The following KIR2DL4 variants were observed in gnomAD, a reference collection of about 807,000 sequenced individuals.
KIR2DL4 encodes the protein killer cell immunoglobulin-like receptor 2DL4.
A neutral mutation model predicts 31.0 loss-of-function variants in KIR2DL4; 41 were observed. The ratio of observed to expected loss-of-function variants is 1.32; its 90% CI spans 1.03 to 1.72. The LOEUF is 1.72. Among genes scored for constraint, KIR2DL4 ranks in the 40% most tolerant of loss-of-function variants. KIR2DL4 has a pLI of 0.00. For missense variants in KIR2DL4, 438 were observed against 353.7 expected, an observed-to-expected ratio of 1.24 and a Z score of -1.91; for synonymous variants, 164 against 133.6, an observed-to-expected ratio of 1.23 and a Z score of -1.57.
chr19:54,808,512 T>C (rs2060662205), intron 4 of KIR2DL4, among the ~76,000 whole-genome samples: 1 of 150,322 alleles, frequency 6.7e-6, no homozygotes, highest in Non-Finnish European at 1.5e-5. Context: ...TGGATGTAAA[T>C]GGGTGGATTA....
exon 8 of KIR2DL4, chr19:54,814,169 G>A: frequency 6.4e-7 from 1 of 1,572,158 alleles, no homozygotes. Flanking sequence ...TCTGGTGCCT[G>A]TCTCTTGCTT....
At chr19:54,810,815 G>A (rs1601201435) in intron 5 of KIR2DL4, among the ~76,000 whole-genome samples, 1 of 151,226 alleles carries the variant, frequency 6.6e-6, no homozygotes, top group Non-Finnish European at 1.5e-5. Context: ...AAATAAGGGA[G>A]GCCCAGGTGC....
exon 8 of KIR2DL4, chr19:54,814,038 G>A: frequency 6.2e-7 from 1 of 1,612,136 alleles, no homozygotes; most frequent in Non-Finnish European, 8.5e-7. Context: ...GCCTTGATGG[G>A]ATCTTCTAGG....
exon 1 of KIR2DL4, chr19:54,803,670 G>A: frequency 2.5e-6 from 4 of 1,612,276 alleles, no homozygotes; most frequent in South Asian, 2.2e-5. Context: ...GTCACCCACG[G>A]TCATCATCCT....
chr19:54,804,962 C>T, exon 3 of KIR2DL4: 1 of 1,612,098 alleles, frequency 6.2e-7, no homozygotes, highest in Non-Finnish European at 8.5e-7. Flanking sequence ...GGAACAGTTT[C>T]CTCATTAGCC....
intron 4 of KIR2DL4, 75 bp downstream of exon 4, chr19:54,806,319 A>G: frequency 6.9e-7 from 1 of 1,442,338 alleles, no homozygotes; most frequent in Non-Finnish European, 9.6e-7. Context: ...CTGATGATGG[A>G]GAGAAGCATG....
At chr19:54,812,407 C>T (rs1285695518) in intron 5 of KIR2DL4, among the ~76,000 whole-genome samples, 1 of 151,384 alleles carries the variant, frequency 6.6e-6, no homozygotes, top group Non-Finnish European at 1.5e-5. Context: ...TCAGCTAAAG[C>T]ACTGCATGAT....
At chr19:54,813,433 G>T in intron 6 of KIR2DL4, 1 of 777,364 alleles carries the variant, frequency 1.3e-6, no homozygotes. Flanking sequence ...GTATCCTCAC[G>T]TCCCCTGCAG....
intron 2 of KIR2DL4, among the ~76,000 whole-genome samples, chr19:54,804,153 G>GTCT (rs1486629230): frequency 2.8e-4 from 30 of 106,664 alleles, no homozygotes; most frequent in East Asian, 1.0e-3. Context: ...ATCCTGGTAT[G>GTCT]CTCAGCCCTC....
intron 2 of KIR2DL4, among the ~76,000 whole-genome samples, chr19:54,804,267 G>T (rs1024246849): frequency 1.3e-4 from 20 of 151,058 alleles, no homozygotes; most frequent in Non-Finnish European, 2.7e-4. Flanking sequence ...TGTGTGGGGG[G>T]ATGTGGTGTC....
chr19:54,809,877 A>T (rs1328380293), intron 5 of KIR2DL4, among the ~76,000 whole-genome samples: 1 of 150,808 alleles, frequency 6.6e-6, no homozygotes, highest in Non-Finnish European at 1.5e-5. Flanking sequence ...TTCCATCTGC[A>T]ATCTGCATTC....
Position 54,803,939 on chromosome 19 carries a change from C to G in KIR2DL4, c.76+13C>G, listed in dbSNP as rs775661067. 12 of 1,607,572 alleles carry G rather than the reference C, an allele frequency of 7.5e-6. No individual in the cohort carries two copies. The highest frequency in any genetic ancestry group is 1.0e-5 in the Non-Finnish European group (12 of 1,177,104). On this transcript the variant is annotated intron_variant, in intron 2 of 7. Transcript: ENST00000359085. ...TGGGCACACGTGGGTGAGTCCTTCC[C>G]CAAATGATGGGTTGCCATCTTCACC... is the stretch of plus-strand genomic sequence containing the variant.
At chr19:54,808,920 A>G in intron 5 of KIR2DL4, 37 bp downstream of exon 5, 1 of 1,537,790 alleles carries the variant, frequency 6.5e-7, no homozygotes, top group Admixed American at 1.7e-5. Context: ...GCTTTTGGAA[A>G]CCTGGGGAGG....
chr19:54,811,419 C>A (rs201457831), intron 5 of KIR2DL4, among the ~76,000 whole-genome samples: 6,259 of 151,292 alleles, frequency 0.041, 297 homozygotes, highest in East Asian at 0.092. Flanking sequence ...ATAAAGAATA[C>A]ATAAATATAA....
intron 5 of KIR2DL4, among the ~76,000 whole-genome samples, 170 bp downstream of exon 5, chr19:54,809,053 C>T (rs1341222519): frequency 6.6e-6 from 1 of 151,362 alleles, no homozygotes; most frequent in Non-Finnish European, 1.5e-5. Context: ...CAGCACAGGG[C>T]TCAGTGAAAT....
At chr19:54,806,952 T>G in intron 4 of KIR2DL4, among the ~76,000 whole-genome samples, 1 of 150,288 alleles carries the variant, frequency 6.7e-6, no homozygotes, top group Non-Finnish European at 1.5e-5. Flanking sequence ...GAGGAGGAGG[T>G]TGCAGTGAGC....
exon 4 of KIR2DL4, chr19:54,805,988 C>T: frequency 6.2e-7 from 1 of 1,609,988 alleles, no homozygotes; most frequent in Non-Finnish European, 8.5e-7. Context: ...CCCGGCCGGG[C>T]CCCACGGTTC....
chr19:54,808,740 TA>T (rs2060676046), intron 4 of KIR2DL4, 92 bp from the exon 5 acceptor site: 13 of 935,152 alleles, frequency 1.4e-5, no homozygotes. Context: ...CATTAGATAA[TA>T]GAATGTTGGC....
At chr19:54,806,451 G>A (rs893214123) in intron 4 of KIR2DL4, among the ~76,000 whole-genome samples, 9 of 151,104 alleles carry the variant, frequency 6.0e-5, no homozygotes, top group African/African-American at 1.2e-4. Context: ...AGGGCTCCGG[G>A]TACCCAGGCA....
Sources: allele counts gnomAD v4.1 joint callset (sites outside exome capture counted in the v4.1 genomes callset), GRCh38; gene constraint gnomAD v4.1.1; transcripts MANE v1.5; gene names NCBI Gene and HGNC (gene_info 2026-07-23, HGNC 2026-07-21).